The following MMP16 variants were observed in gnomAD, a reference collection of about 807,000 sequenced individuals.
The protein encoded by MMP16 is matrix metallopeptidase 16.
In MMP16, 12 loss-of-function variants were observed where a neutral mutation model predicts 67.8. The observed-to-expected ratio is 0.18, with a 90% CI of 0.11 to 0.29. MMP16 has a LOEUF of 0.29. Ranked by LOEUF, MMP16 falls within the 10% of genes least tolerant of loss-of-function variation. MMP16 has a pLI of 1.00. For synonymous variants in MMP16, 249 were observed against 255.9 expected (o/e 0.97, Z 0.26); for missense variants, 475 against 765.7 (o/e 0.62, Z 4.48).
At chr8:88,154,863 A>C (rs1371379110) in intron 4 of MMP16, among the ~76,000 whole-genome samples, 3 of 151,280 alleles carry the variant, frequency 2.0e-5, no homozygotes, top group Non-Finnish European at 4.4e-5. Flanking sequence ...AACTTAAAGT[A>C]TAATACAAAA....
chr8:88,161,779 A>G (rs1166763228), intron 4 of MMP16, among the ~76,000 whole-genome samples: 1 of 152,104 alleles, frequency 6.6e-6, no homozygotes, highest in Non-Finnish European at 1.5e-5. Flanking sequence ...TTCAAAGAAC[A>G]TCTTTATTTC....
At chr8:88,280,403 C>A (rs1299135931) in intron 1 of MMP16, among the ~76,000 whole-genome samples, 2 of 152,098 alleles carry the variant, frequency 1.3e-5, no homozygotes, top group East Asian at 3.9e-4. Flanking sequence ...AGAACTCAAC[C>A]CATGCTACTA....
intron 4 of MMP16, among the ~76,000 whole-genome samples, chr8:88,139,002 T>C (rs1808168424): frequency 6.6e-6 from 1 of 152,178 alleles, no homozygotes; most frequent in Admixed American, 6.6e-5. Context: ...TTCTGGTAAC[T>C]TAAATTCTAA....
intron 6 of MMP16, among the ~76,000 whole-genome samples, chr8:88,084,513 T>A (rs1257656305): frequency 1.3e-5 from 2 of 151,504 alleles, no homozygotes; most frequent in Non-Finnish European, 3.0e-5. Context: ...CAATAAAAGA[T>A]CTAAAAAGAC....
chr8:88,186,869 A>C (rs140962882), intron 2 of MMP16, among the ~76,000 whole-genome samples: 2 of 152,298 alleles, frequency 1.3e-5, no homozygotes, highest in East Asian at 1.9e-4. Flanking sequence ...TTTTGGGCTA[A>C]CTATAGACAG....
intron 4 of MMP16, among the ~76,000 whole-genome samples, chr8:88,148,950 C>A (rs993401339): frequency 6.6e-6 from 1 of 152,108 alleles, no homozygotes; most frequent in African/African-American, 2.4e-5. Context: ...TCTGAGGTAC[C>A]GGGTTCATCT....
At chr8:88,075,938 TACACACACAC>T (rs71556442) in intron 6 of MMP16, among the ~76,000 whole-genome samples, 239 of 140,500 alleles carry the variant, frequency 1.7e-3, no homozygotes, top group Middle Eastern at 7.0e-3. Flanking sequence ...CATATATTCA[TACACACACAC>T]ACACACACAC....
intron 2 of MMP16, among the ~76,000 whole-genome samples, chr8:88,191,395 CTATTAT>C (rs1809166986): frequency 6.6e-6 from 1 of 152,090 alleles, no homozygotes; most frequent in Non-Finnish European, 1.5e-5. Flanking sequence ...ACAGTAACTA[CTATTAT>C]TAACTTACAA....
intron 1 of MMP16, among the ~76,000 whole-genome samples, chr8:88,284,749 C>T (rs1810795986): frequency 1.3e-5 from 2 of 152,096 alleles, no homozygotes; most frequent in South Asian, 4.1e-4. Flanking sequence ...AAAACAATTC[C>T]ACTTCAGCCA....
intron 7 of MMP16, among the ~76,000 whole-genome samples, chr8:88,070,791 C>T (rs1808539655): frequency 6.6e-6 from 1 of 152,050 alleles, no homozygotes; most frequent in South Asian, 2.1e-4. Flanking sequence ...GATTCAATGT[C>T]CTCTGTTTCT....
chr8:88,187,764 T>G (rs1352014739), intron 2 of MMP16, among the ~76,000 whole-genome samples: 1 of 152,190 alleles, frequency 6.6e-6, no homozygotes, highest in East Asian at 1.9e-4. Context: ...AAGATGACAC[T>G]TTTCCAGAAA....
intron 3 of MMP16, among the ~76,000 whole-genome samples, chr8:88,168,743 A>G (rs760959585): frequency 5.9e-5 from 9 of 152,152 alleles, no homozygotes; most frequent in Non-Finnish European, 1.3e-4. Context: ...ATTTTTTTAT[A>G]TTATAGCACT....
intron 1 of MMP16, among the ~76,000 whole-genome samples, chr8:88,245,612 G>A (rs1235960315): frequency 1.3e-5 from 2 of 152,166 alleles, no homozygotes; most frequent in Non-Finnish European, 2.9e-5. Context: ...AGACCTAAAA[G>A]ATTATCAGCA....
At chr8:88,191,120 C>A (rs1809162740) in intron 2 of MMP16, among the ~76,000 whole-genome samples, 1 of 151,970 alleles carries the variant, frequency 6.6e-6, no homozygotes. Flanking sequence ...CATTAATGTC[C>A]TTATTTAAGT....
At chr8:88,186,393 G>A (rs1251117162) in intron 3 of MMP16, 83 bp downstream of exon 3, 23 of 1,532,238 alleles carry the variant, frequency 1.5e-5, no homozygotes, top group Admixed American at 5.1e-5. Context: ...TGTAGTCAAC[G>A]TGCAGAAGAT....
At chr8:88,082,781 T>C (rs1808773883) in intron 6 of MMP16, among the ~76,000 whole-genome samples, 1 of 151,876 alleles carries the variant, frequency 6.6e-6, no homozygotes, top group Non-Finnish European at 1.5e-5. Flanking sequence ...GTTTTATTTT[T>C]TTTTATTTTT....
intron 4 of MMP16, among the ~76,000 whole-genome samples, chr8:88,137,175 G>A (rs1808134423): frequency 6.6e-6 from 1 of 151,420 alleles, no homozygotes; most frequent in Non-Finnish European, 1.5e-5. Flanking sequence ...CTCTTTTTTT[G>A]TGAAATGCTC....
chr8:88,095,053 A>C (rs980662696), intron 6 of MMP16, among the ~76,000 whole-genome samples: 2 of 151,870 alleles, frequency 1.3e-5, no homozygotes, highest in Non-Finnish European at 2.9e-5. Context: ...ACAAAATTAT[A>C]GACAGAGTTG....
chr8:88,091,979 T>C (rs1333246513), intron 6 of MMP16, among the ~76,000 whole-genome samples: 3 of 151,852 alleles, frequency 2.0e-5, no homozygotes, highest in African/African-American at 4.8e-5. Flanking sequence ...ATCAATGTTA[T>C]GATTTTTTTC....
Sources: gnomAD v4.1 joint callset for allele counts (sites outside exome capture counted in the v4.1 genomes callset) on GRCh38, gnomAD v4.1.1 for gene constraint, MANE v1.5 for transcripts, NCBI Gene and HGNC (gene_info 2026-07-23, HGNC 2026-07-21) for gene names.